Variants in CLEC4A observed in about 807,000 individuals in gnomAD.
CLEC4A encodes the protein C-type lectin domain family 4 member A, also known as C-type (calcium dependent, carbohydrate-recognition domain) lectin, superfamily member 6.
Under a neutral mutation model 32.7 loss-of-function variants are expected in CLEC4A, and 27 were observed. The ratio of observed to expected loss-of-function variants is 0.83; its 90% CI spans 0.61 to 1.14. The LOEUF (loss-of-function observed/expected upper bound fraction) is 1.14, where lower values mean the gene tolerates loss of function less well. Ranked by LOEUF, CLEC4A falls within the 50% of genes most tolerant of loss-of-function variation. CLEC4A has a pLI of 0.00. For missense variants in CLEC4A, 253 were observed against 274.6 expected (o/e 0.92, Z 0.55); for synonymous variants, 89 against 93.7 (o/e 0.95, Z 0.29).
At chr12:8,123,430 G>A (rs1482578841), upstream of CLEC4A, among the ~76,000 whole-genome samples, 1 of 152,076 alleles carries the variant, frequency 6.6e-6, no homozygotes, top group Non-Finnish European at 1.5e-5. Context: ...TGAGATGAAT[G>A]CAACATAAGT....
the CLEC4A span, among the ~76,000 whole-genome samples, chr12:8,118,486 A>G: frequency 6.6e-6 from 1 of 152,158 alleles, no homozygotes; most frequent in African/African-American, 2.4e-5. Flanking sequence ...GAAGCATAGC[A>G]GCTTCTGCTT....
At chr12:8,116,134 G>A in the CLEC4A span, among the ~76,000 whole-genome samples, 5 of 152,046 alleles carry the variant, frequency 3.3e-5, no homozygotes, top group African/African-American at 1.2e-4. Flanking sequence ...GCTAATTTTT[G>A]TATTTTTAGT....
At chr12:8,133,074 C>T (rs1948028278) in intron 3 of CLEC4A, among the ~76,000 whole-genome samples, 1 of 152,088 alleles carries the variant, frequency 6.6e-6, no homozygotes, top group African/African-American at 2.4e-5. Context: ...GCCACCATGC[C>T]CTGCTAATTT....
Position 8,123,912 on chromosome 12 carries a change from T to TTCAAAAATGAATTCAAG in CLEC4A, c.37_53dup (p.Ser19LysfsTer39). 1.2e-6 allele frequency: 2 copies of TTCAAAAATGAATTCAAG among 1,613,342 alleles called. No homozygotes were observed. Among genetic ancestry groups the TTCAAAAATGAATTCAAG allele is most frequent in the Non-Finnish European group, 1.7e-6 (2 of 1,179,300 alleles). Reference sequence around the variant, plus strand: ...GGAAATCACTTATGCTGAAGTGAGGTTCAAAAATGAATTCAAGTCCTCAGG... The same window carrying TTCAAAAATGAATTCAAG: ...GGAAATCACTTATGCTGAAGTGAGGTTCAAAAATGAATTCAAGTCAAAAATGAATTCAAGTCCTCAGG... On this transcript the variant is annotated frameshift_variant, in exon 1 of 6. Transcript: ENST00000229332. LOFTEE classifies it high-confidence loss of function.
At chr12:8,108,779 T>G in the CLEC4A span, among the ~76,000 whole-genome samples, 120 of 152,368 alleles carry the variant, frequency 7.9e-4, no homozygotes, top group African/African-American at 2.9e-3. Context: ...TTGTCCATTG[T>G]GACTTCATGT....
intron 3 of CLEC4A, chr12:8,134,009 C>T (rs1285406571): frequency 2.2e-5 from 35 of 1,605,290 alleles, no homozygotes; most frequent in Middle Eastern, 1.7e-4. Context: ...GCCCTTCTGG[C>T]GCCGGTTACA....
chr12:8,111,067 G>A, the CLEC4A span, among the ~76,000 whole-genome samples: 5 of 151,176 alleles, frequency 3.3e-5, no homozygotes, highest in Admixed American at 2.6e-4. Context: ...TATAGATGGG[G>A]TTTCACTGTG....
At chr12:8,115,503 T>C in the CLEC4A span, among the ~76,000 whole-genome samples, 1 of 152,152 alleles carries the variant, frequency 6.6e-6, no homozygotes, top group Non-Finnish European at 1.5e-5. Flanking sequence ...TACCAAGGCA[T>C]CTAGGGTACT....
chr12:8,135,268 G>A (rs1321496720), intron 3 of CLEC4A, among the ~76,000 whole-genome samples: 3 of 151,466 alleles, frequency 2.0e-5, no homozygotes, highest in African/African-American at 2.4e-5. Context: ...TTAGCATAAT[G>A]ACTTATTTTC....
chr12:8,134,728 G>T, intron 3 of CLEC4A: 1 of 1,564,520 alleles, frequency 6.4e-7, no homozygotes, highest in South Asian at 1.2e-5. Flanking sequence ...GGCCCTCCAG[G>T]AGGGCCTTGG....
At chr12:8,138,010 G>A in intron 5 of CLEC4A, 130 bp from the exon 6 acceptor site, 6 of 950,974 alleles carry the variant, frequency 6.3e-6, no homozygotes, top group Non-Finnish European at 9.2e-6. Context: ...ATGATGAGTA[G>A]CAGAAAGGTG....
chr12:8,128,631 G>A (rs1474936564), intron 2 of CLEC4A, among the ~76,000 whole-genome samples: 5 of 152,020 alleles, frequency 3.3e-5, no homozygotes, highest in African/African-American at 9.7e-5. Context: ...GGCTAGTCTC[G>A]AACTCCTGAC....
chr12:8,134,116 C>T (rs750068989), intron 3 of CLEC4A: 10 of 1,597,858 alleles, frequency 6.3e-6, no homozygotes, highest in Non-Finnish European at 8.5e-6. Flanking sequence ...GGAACAAATT[C>T]TCCAGGTTGC....
chr12:8,120,167 T>G (rs973166274), upstream of CLEC4A, among the ~76,000 whole-genome samples: 1 of 152,186 alleles, frequency 6.6e-6, no homozygotes, highest in Non-Finnish European at 1.5e-5. Context: ...GGGTCCATTA[T>G]GTAGGCATGA....
At chr12:8,132,687 G>T (rs1442951161) in intron 3 of CLEC4A, among the ~76,000 whole-genome samples, 1 of 152,170 alleles carries the variant, frequency 6.6e-6, no homozygotes, top group East Asian at 1.9e-4. Context: ...CTATGTTCTT[G>T]CTGATTTTCT....
At chr12:8,112,873 C>G in the CLEC4A span, among the ~76,000 whole-genome samples, 1 of 152,228 alleles carries the variant, frequency 6.6e-6, no homozygotes, top group South Asian at 2.1e-4. Flanking sequence ...TACACAGAGG[C>G]CTGGGATTTT....
rs1264107040 is a variant in CLEC4A, at chr12:8,125,666, T to C, written c.188T>C (p.Ile63Thr). 6.2e-7 allele frequency: 1 copy of C among 1,600,616 alleles called. No homozygotes were observed. Among genetic ancestry groups the C allele is most frequent in the Non-Finnish European group, 8.6e-7 (1 of 1,167,706 alleles). Residue 63 changes from isoleucine (I) to threonine (T), a missense_variant, in exon 2 of 6, where the codon ATT becomes ACT. Transcript: ENST00000229332. Reference protein sequence around the residue: ...FFLLLAISFFIAFVIFFQKYS... With the variant: ...FFLLLAISFFTAFVIFFQKYS... ...CTGCTATTGGCAATCTCATTCTTTA[T>C]TGCTTTTGTCAGTAAGTATGCCAAC...
Position 8,138,506 on chromosome 12 carries a change from A to T in CLEC4A, c.*219A>T. 1 of 499,720 alleles carries T rather than the reference A, an allele frequency of 2.0e-6. No homozygotes were observed. The highest frequency in any genetic ancestry group is 3.5e-6 in the Non-Finnish European group (1 of 286,046). 31.0% of individuals were successfully genotyped at this position (499,720 alleles called of 1,614,324 possible). A position where few individuals can be genotyped will look rare whatever the true frequency, so the allele number is the denominator to read the frequency against. On this transcript the variant is annotated 3_prime_UTR_variant, in exon 6 of 6. Coordinates refer to ENST00000229332, the MANE Select transcript of CLEC4A (RefSeq NM_016184.4). ...TTTCATGTGCCAGAGCCTGTACTGGAGGCCCCCATTGTGCACACATGGAGA... is the reference window on the plus strand; with the variant it reads ...TTTCATGTGCCAGAGCCTGTACTGGTGGCCCCCATTGTGCACACATGGAGA...
intron 3 of CLEC4A, among the ~76,000 whole-genome samples, chr12:8,130,038 G>T (rs1232793294): frequency 6.6e-6 from 1 of 152,122 alleles, no homozygotes; most frequent in Non-Finnish European, 1.5e-5. Flanking sequence ...GTTTCACCAT[G>T]TTGCCCAGGC....
Sources: allele counts gnomAD v4.1 joint callset (sites outside exome capture counted in the v4.1 genomes callset), GRCh38; gene constraint gnomAD v4.1.1; transcripts MANE v1.5; gene names NCBI Gene and HGNC (gene_info 2026-07-23, HGNC 2026-07-21).